Variants in CASP5 observed in about 807,000 individuals in gnomAD.
CASP5 encodes the protein caspase 5, also known as caspase-5.
In CASP5, 42 loss-of-function variants were observed where a neutral mutation model predicts 45.2. That is an observed-to-expected ratio of 0.93 (90% CI 0.73 to 1.20). CASP5 has a LOEUF of 1.20. CASP5 is among the 50% of genes most tolerant of loss of function. CASP5 has a pLI of 0.00. For synonymous variants in CASP5, 209 were observed against 186.2 expected (o/e 1.12, Z -1.00); for missense variants, 512 against 532.2 (o/e 0.96, Z 0.37).
chr11:105,020,108 G>A (rs191510356), intron 1 of CASP5, among the ~76,000 whole-genome samples: 1 of 139,284 alleles, frequency 7.2e-6, no homozygotes, highest in Non-Finnish European at 1.6e-5. Flanking sequence ...ATTCAACAAC[G>A]CTTCATGCTA....
intron 1 of CASP5, among the ~76,000 whole-genome samples, chr11:105,022,777 A>C: frequency 6.6e-6 from 1 of 152,256 alleles, no homozygotes; most frequent in African/African-American, 2.4e-5. Flanking sequence ...CTGGAGGATT[A>C]ATTTGGAATC....
chr11:105,001,926 C>A, intron 5 of CASP5, 102 bp downstream of exon 5: 1 of 1,169,910 alleles, frequency 8.5e-7, no homozygotes, highest in South Asian at 1.5e-5. Flanking sequence ...GCACACGAAC[C>A]CAGAGGTTGT....
intron 1 of CASP5, among the ~76,000 whole-genome samples, chr11:105,017,152 T>C (rs1171226645): frequency 2.0e-5 from 3 of 151,564 alleles, no homozygotes; most frequent in Non-Finnish European, 2.9e-5. Flanking sequence ...CAAAAACCCA[T>C]CTGTACATCA....
chr11:105,008,211 T>C (rs149151341), intron 2 of CASP5, among the ~76,000 whole-genome samples: 477 of 152,182 alleles, frequency 3.1e-3, no homozygotes, highest in African/African-American at 0.011. Context: ...TTGGAACAAA[T>C]TTGTTTAGAA....
At chr11:105,021,163 A>G (rs1268647144) in intron 1 of CASP5, among the ~76,000 whole-genome samples, 1 of 150,758 alleles carries the variant, frequency 6.6e-6, no homozygotes, top group African/African-American at 2.4e-5. Flanking sequence ...TTAATTCAAG[A>G]TGGATTAAAG....
At position 105,002,217 on chromosome 11, in the gene CASP5, A is replaced by G. The variant is rs754869884; in HGVS notation, c.544-16T>C. On this transcript the variant is annotated splice_polypyrimidine_tract_variant and intron_variant, in intron 4 of 9. Coordinates refer to ENST00000260315, the MANE Select transcript of CASP5 (RefSeq NM_004347.5). ...TTGGATAGATCTGCAGGAGATGGAG[A>G]TGAAGCAACTTTGATTACCCGAGTC... is the stretch of plus-strand genomic sequence containing the variant. 5 of 1,611,710 alleles carry G rather than the reference A, an allele frequency of 3.1e-6. No individual in the cohort carries two copies. The African/African-American group carries it at 5.4e-5, about 17-fold the overall frequency.
In CASP5 at chr11:105,007,288, G is replaced by A; in HGVS notation, c.228C>T (p.Gly76=). The A allele has an allele frequency of 6.2e-7, 1 of 1,608,770 alleles. No individual in the cohort carries two copies. The part of the protein sequence containing the change: ...KKTVKMLEYL[G]KDVLHGVFNY... ...TAAAAACACCATGAAGAACATCTTT[G>A]CCCAGGTATTCCAACATCTTAACTG... The change falls in exon 3 of 10, where the codon GGC becomes GGT. Residue 76 remains glycine (G), a synonymous_variant. Coordinates refer to ENST00000260315, the MANE Select transcript of CASP5 (RefSeq NM_004347.5).
At chr11:105,008,562 C>A (rs1234599465) in intron 2 of CASP5, among the ~76,000 whole-genome samples, 1 of 151,986 alleles carries the variant, frequency 6.6e-6, no homozygotes, top group Non-Finnish European at 1.5e-5. Flanking sequence ...TTACTACAAG[C>A]CTCTACTATT....
At chr11:104,997,681 G>T (rs550969473) in intron 7 of CASP5, among the ~76,000 whole-genome samples, 189 bp from the exon 8 acceptor site, 16 of 152,300 alleles carry the variant, frequency 1.1e-4, no homozygotes, top group Middle Eastern at 3.4e-3. Context: ...AAGACAGCTT[G>T]TAAGTATTGC....
At chr11:105,014,180 C>T (rs1862478455) in intron 1 of CASP5, among the ~76,000 whole-genome samples, 1 of 152,148 alleles carries the variant, frequency 6.6e-6, no homozygotes, top group African/African-American at 2.4e-5. Flanking sequence ...CCACCTTGCT[C>T]ATTACAATTA....
At chr11:105,013,845 G>A (rs781444981) in intron 1 of CASP5, among the ~76,000 whole-genome samples, 3 of 151,910 alleles carry the variant, frequency 2.0e-5, no homozygotes, top group Admixed American at 1.3e-4. Context: ...TTCCAAGTGC[G>A]GGAAGGCAGC....
At chr11:105,015,366 T>C (rs1288234197) in intron 1 of CASP5, among the ~76,000 whole-genome samples, 1 of 152,220 alleles carries the variant, frequency 6.6e-6, no homozygotes, top group Non-Finnish European at 1.5e-5. Context: ...ACAGTTTTTA[T>C]TGATTACTTT....
chr11:105,011,821 G>A (rs1027156779), intron 1 of CASP5, among the ~76,000 whole-genome samples: 5 of 151,562 alleles, frequency 3.3e-5, no homozygotes, highest in Non-Finnish European at 5.9e-5. Flanking sequence ...AAGATATCCC[G>A]TGTTCATGAA....
intron 1 of CASP5, among the ~76,000 whole-genome samples, chr11:105,016,296 G>T (rs1054462523): frequency 6.6e-6 from 1 of 152,254 alleles, no homozygotes; most frequent in African/African-American, 2.4e-5. Flanking sequence ...TATGACTGCA[G>T]GGGGAGGCGC....
chr11:105,018,426 C>T (rs998700334), intron 1 of CASP5, among the ~76,000 whole-genome samples: 2 of 152,088 alleles, frequency 1.3e-5, no homozygotes, highest in Non-Finnish European at 2.9e-5. Context: ...CATGCAGAGA[C>T]ACACATAGGC....
At chr11:105,006,280 C>T (rs750667302) in intron 3 of CASP5, among the ~76,000 whole-genome samples, 45 of 152,114 alleles carry the variant, frequency 3.0e-4, no homozygotes, top group Non-Finnish European at 5.4e-4. Flanking sequence ...CAATTTGTAG[C>T]GCCCAAATAA....
rs523104 is a variant in CASP5 at position 104,998,981 on chromosome 11, G to T, written c.1000C>A (p.Leu334Ile). 4 of 1,613,282 alleles carry T rather than the reference G, an allele frequency of 2.5e-6. No homozygotes were observed. Among genetic ancestry groups the T allele is most frequent in the South Asian group, 1.1e-5 (1 of 91,044 alleles). ...TTCTCAGATGACTGTGAAGAGATGA[G>T]TGCCAAGGATGCTGGAGAGTCTCTG... ...WVRDSPASLA[L>I]ISSQSSENLE... The change falls in exon 7 of 10, where the codon CTC (leucine) becomes ATC (isoleucine). Residue 334 changes from leucine to isoleucine, a missense_variant. Coordinates refer to ENST00000260315, the MANE Select transcript of CASP5 (RefSeq NM_004347.5).
At chr11:105,016,725 G>A (rs1440244793) in intron 1 of CASP5, among the ~76,000 whole-genome samples, 11 of 152,146 alleles carry the variant, frequency 7.2e-5, no homozygotes, top group Non-Finnish European at 1.3e-4. Flanking sequence ...AGCGAGGCTG[G>A]GGGAGGGGCG....
intron 5 of CASP5, among the ~76,000 whole-genome samples, chr11:105,001,255 T>C (rs1391981963): frequency 6.6e-6 from 1 of 152,250 alleles, no homozygotes; most frequent in Non-Finnish European, 1.5e-5. Flanking sequence ...TGTGAGATTT[T>C]ACCTCCACTC....
Sources: gnomAD v4.1 joint callset for allele counts (sites outside exome capture counted in the v4.1 genomes callset) on GRCh38, gnomAD v4.1.1 for gene constraint, MANE v1.5 for transcripts, NCBI Gene and HGNC (gene_info 2026-07-23, HGNC 2026-07-21) for gene names.